Variants in LRRC37A2 observed in about 807,000 individuals in gnomAD.
LRRC37A2 encodes leucine-rich repeat-containing protein 37A2.
A neutral mutation model predicts 68.8 loss-of-function variants in LRRC37A2; 9 were observed. That is an observed-to-expected ratio of 0.13 (90% confidence interval 0.08 to 0.23). The LOEUF (loss-of-function observed/expected upper bound fraction) is 0.23, where lower values mean the gene tolerates loss of function less well. Ranked by LOEUF, LRRC37A2 falls within the 10% of genes least tolerant of loss-of-function variation. The probability of loss-of-function intolerance (pLI) is 1.00; values close to 1 mark genes in which losing one functional copy is unlikely to be tolerated. For synonymous variants in LRRC37A2, 63 were observed against 367.6 expected (o/e 0.17, Z 9.48); for missense variants, 168 against 950.4 (o/e 0.18, Z 10.82).
the LRRC37A2 span, among the ~76,000 whole-genome samples, chr17:46,759,860 G>A: frequency 2.4e-4 from 36 of 151,564 alleles, no homozygotes; most frequent in Admixed American, 8.5e-4. Context: ...TAATTATGTC[G>A]TCTCTTTCAG....
the LRRC37A2 span, chr17:46,833,303 C>T: frequency 4.0e-6 from 2 of 501,854 alleles, no homozygotes; most frequent in Non-Finnish European, 4.0e-6. Context: ...TAACGTCCCA[C>T]TGAAAGCAAG....
chr17:46,889,360 C>T, the LRRC37A2 span, among the ~76,000 whole-genome samples: 2 of 152,052 alleles, frequency 1.3e-5, no homozygotes, highest in African/African-American at 4.8e-5. Flanking sequence ...TGTCTGACCC[C>T]CAGAGAGCTG....
At chr17:46,764,822 A>C in the LRRC37A2 span, among the ~76,000 whole-genome samples, 4 of 152,204 alleles carry the variant, frequency 2.6e-5, no homozygotes, top group African/African-American at 9.7e-5. Flanking sequence ...TCACAGGAGC[A>C]GTAAGGCTTT....
At position 46,539,203 on chromosome 17, in the gene LRRC37A2, T is replaced by TC. The variant is rs1357130263; in HGVS notation, c.2907-971dup. Among the ~76,000 whole-genome samples, 9 of 67,286 alleles carry TC rather than the reference T, an allele frequency of 1.3e-4. 1 individual carries two copies. The highest frequency in any genetic ancestry group is 4.3e-4 in the African/African-American group (9 of 20,726). The allele number at this position is 67,286 out of a possible 152,430, so 44.1% of individuals were successfully genotyped here. A position where few individuals can be genotyped will look rare whatever the true frequency, so the allele number is the denominator to read the frequency against. ...TCCAGCCTGGGTGACAGAGTGAGAC[T>TC]CCATCTCAGAAAAAAAAAAAAAAAA... On this transcript the variant is annotated intron_variant, in intron 6 of 14. Coordinates refer to ENST00000576629, the Ensembl canonical transcript of LRRC37A2.
the LRRC37A2 span, chr17:47,017,744 T>C: frequency 6.2e-7 from 1 of 1,610,796 alleles, no homozygotes; most frequent in Non-Finnish European, 8.5e-7. Flanking sequence ...AGAATGAATA[T>C]TCCAGTACAG....
chr17:46,869,130 C>G, the LRRC37A2 span, among the ~76,000 whole-genome samples: 1 of 152,170 alleles, frequency 6.6e-6, no homozygotes, highest in African/African-American at 2.4e-5. Context: ...CTGGGCAGAC[C>G]AGGGCCCGGT....
the LRRC37A2 span, among the ~76,000 whole-genome samples, chr17:46,793,896 T>G: frequency 1.3e-5 from 2 of 152,176 alleles, no homozygotes; most frequent in African/African-American, 4.8e-5. Context: ...CCAAATCCCA[T>G]GCTATCGCTA....
chr17:46,819,047 G>A, the LRRC37A2 span, among the ~76,000 whole-genome samples: 4 of 152,196 alleles, frequency 2.6e-5, no homozygotes, highest in African/African-American at 7.2e-5. The surrounding 1 kb of genome is among the most constrained non-coding windows in gnomAD (Gnocchi z 5.3). Flanking sequence ...AGGGCTTGGC[G>A]TGGGCATGAA....
the LRRC37A2 span, among the ~76,000 whole-genome samples, chr17:46,824,115 C>T: frequency 6.6e-6 from 1 of 152,156 alleles, no homozygotes; most frequent in African/African-American, 2.4e-5. Flanking sequence ...CCTTCCAAGA[C>T]CCACTTCAAA....
At chr17:46,723,313 T>C in the LRRC37A2 span, among the ~76,000 whole-genome samples, 1 of 152,214 alleles carries the variant, frequency 6.6e-6, no homozygotes, top group East Asian at 1.9e-4. Flanking sequence ...AGTAGAATTC[T>C]GAAAAATGTT....
At chr17:46,979,091 G>C in the LRRC37A2 span, 1 of 1,240,312 alleles carries the variant, frequency 8.1e-7, no homozygotes, top group Non-Finnish European at 1.0e-6. Context: ...GGGACGCTCC[G>C]GACCCCTCGG....
the LRRC37A2 span, among the ~76,000 whole-genome samples, chr17:46,745,685 C>A: frequency 2.0e-5 from 3 of 152,124 alleles, no homozygotes; most frequent in Non-Finnish European, 1.5e-5. Flanking sequence ...CATTAAAAAG[C>A]TAAAAAAGAG....
the LRRC37A2 span, among the ~76,000 whole-genome samples, chr17:46,817,209 C>T: frequency 0.2 from 30,487 of 152,134 alleles, 3,874 homozygotes; most frequent in East Asian, 0.34. Context: ...CCCCAAGTCT[C>T]GCTGTCTCTG....
the LRRC37A2 span, among the ~76,000 whole-genome samples, chr17:46,835,795 G>T: frequency 6.6e-6 from 1 of 152,250 alleles, no homozygotes; most frequent in Non-Finnish European, 1.5e-5. Context: ...GAAGGGAGGA[G>T]GGCCTGCGCC....
the LRRC37A2 span, chr17:46,939,061 T>C: frequency 0.99 from 1,230,878 of 1,246,072 alleles, 609,305 homozygotes; most frequent in East Asian, 1. Flanking sequence ...TTTGTTCACA[T>C]AGCTGATGCG....
At chr17:46,949,623 C>T in the LRRC37A2 span, among the ~76,000 whole-genome samples, 1 of 152,330 alleles carries the variant, frequency 6.6e-6, no homozygotes, top group South Asian at 2.1e-4. Context: ...GGAAGACATA[C>T]ATGAGCATGC....
chr17:46,816,151 A>G, the LRRC37A2 span, among the ~76,000 whole-genome samples: 5 of 151,540 alleles, frequency 3.3e-5, no homozygotes, highest in South Asian at 6.2e-4. Flanking sequence ...GCACGCACGC[A>G]CACACACACT....
At chr17:46,926,375 G>C in the LRRC37A2 span, among the ~76,000 whole-genome samples, 4 of 152,096 alleles carry the variant, frequency 2.6e-5, no homozygotes, top group African/African-American at 9.7e-5. Flanking sequence ...ATGGGGTGGT[G>C]GGGGGCGGTG....
At chr17:46,902,463 T>C in the LRRC37A2 span, among the ~76,000 whole-genome samples, 1 of 145,390 alleles carries the variant, frequency 6.9e-6, no homozygotes, top group African/African-American at 2.6e-5. Flanking sequence ...GAACAGTGCG[T>C]GTGTGTGTGT....
Sources: gnomAD v4.1 joint callset for allele counts (sites outside exome capture counted in the v4.1 genomes callset) on GRCh38, gnomAD v4.1.1 for gene constraint, Gnocchi (gnomAD v3.1) non-coding constraint, MANE v1.5 for transcripts, NCBI Gene and HGNC (gene_info 2026-07-23, HGNC 2026-07-21) for gene names.